The following GPM6A variants were observed in gnomAD, a reference collection of about 807,000 sequenced individuals.
The protein encoded by GPM6A is glycoprotein M6A, also known as neuronal membrane glycoprotein M6-a.
GPM6A carries 7 observed loss-of-function variants against 32.1 expected under a neutral mutation model. The ratio of observed to expected loss-of-function variants is 0.22; its 90% CI spans 0.12 to 0.41. The LOEUF (loss-of-function observed/expected upper bound fraction) is 0.41. Ranked by LOEUF, GPM6A falls within the 10% of genes least tolerant of loss-of-function variation. The pLI is 1.00. For missense variants in GPM6A, 235 were observed against 347.2 expected (o/e 0.68, Z 2.57); for synonymous variants, 130 against 123.4 (o/e 1.05, Z -0.35).
At chr4:175,791,542 A>G (rs1486522532) in intron 1 of GPM6A, among the ~76,000 whole-genome samples, 1 of 152,178 alleles carries the variant, frequency 6.6e-6, no homozygotes, top group East Asian at 1.9e-4. Context: ...AGTAAGAGCA[A>G]TTTATAAAAG....
At chr4:175,910,509 C>T (rs1484612387) in intron 1 of GPM6A, among the ~76,000 whole-genome samples, 2 of 152,138 alleles carry the variant, frequency 1.3e-5, no homozygotes, top group African/African-American at 4.8e-5. Context: ...AGGGGCCCAA[C>T]AAGCACTGTT....
intron 1 of GPM6A, among the ~76,000 whole-genome samples, chr4:175,938,737 C>CAAAAA (rs3034711): frequency 7.5e-6 from 1 of 134,146 alleles, no homozygotes. Context: ...AAAGTAAAAC[C>CAAAAA]AAAAAAAAAA....
chr4:175,998,926 T>G (rs1342860553), intron 1 of GPM6A, among the ~76,000 whole-genome samples: 1 of 152,214 alleles, frequency 6.6e-6, no homozygotes, highest in East Asian at 1.9e-4. Flanking sequence ...TTTTAAAAGC[T>G]CTCCAAAATC....
In GPM6A at chr4:175,826,932, G is replaced by A. The variant is rs529997168; in HGVS notation, c.-22-14683C>T. 5.3e-5 allele frequency among the ~76,000 whole-genome samples: 8 copies of A among 152,230 alleles called. No homozygotes were observed. The East Asian group carries it at 1.5e-3, about 29-fold the overall frequency. The stretch of plus-strand genomic sequence containing the variant: ...ACTAACTCATTACACGACTTCAGGC[G>A]AAGATGTTTTTTATCTACTTCCTCA... On this transcript the variant is annotated intron_variant, in intron 1 of 7. Coordinates refer to the GPM6A transcript ENST00000280187.
intron 1 of GPM6A, among the ~76,000 whole-genome samples, chr4:175,836,078 G>GCT (rs1308481242): frequency 6.6e-6 from 1 of 152,070 alleles, no homozygotes; most frequent in Non-Finnish European, 1.5e-5. Context: ...CCCAGGAACA[G>GCT]CTCCACATTA....
rs35501693 is a variant in GPM6A at position 175,730,688 on chromosome 4, G to A, written c.38-28921C>T. ...GGGGTTTCACCGTGTTAGCCAGGAT[G>A]GTCTCGATCTCCTGACCTCAAGTGA... On this transcript the variant is annotated intron_variant, in intron 1 of 6. Coordinates refer to ENST00000393658, the MANE Select transcript of GPM6A (RefSeq NM_201591.3). Among the ~76,000 whole-genome samples, 1,228 of 152,148 alleles carry A rather than the reference G, an allele frequency of 8.1e-3. 13 individuals carry two copies. The highest frequency in any genetic ancestry group is 0.028 in the African/African-American group (1,166 of 41,506).
rs151271922 is a variant in GPM6A at position 175,993,643 on chromosome 4, A to G, written c.-23+8666T>C. On this transcript the variant is annotated intron_variant, in intron 1 of 7. Coordinates refer to the GPM6A transcript ENST00000280187. ...TACTTTTTAAATTTTGTATTTTTGTATCTTTCTGAGTTAGCAAAGTAGGCA... is the reference window on the plus strand; with the variant it reads ...TACTTTTTAAATTTTGTATTTTTGTGTCTTTCTGAGTTAGCAAAGTAGGCA... Among the ~76,000 whole-genome samples, 999 of 152,316 alleles carry G rather than the reference A, an allele frequency of 6.6e-3. 9 individuals are homozygous for G. Among genetic ancestry groups the G allele is most frequent in the African/African-American group, 0.023 (942 of 41,568 alleles).
chr4:175,907,639 A>G (rs2111501510), intron 1 of GPM6A, among the ~76,000 whole-genome samples: 1 of 152,244 alleles, frequency 6.6e-6, no homozygotes, highest in East Asian at 1.9e-4. Context: ...CAGGTCATAA[A>G]ACCCTCCGGT....
upstream of GPM6A, chr4:175,812,320 T>A: frequency 7.2e-7 from 1 of 1,383,478 alleles, no homozygotes; most frequent in Non-Finnish European, 9.3e-7. Context: ...TTTTTTTTTT[T>A]TTTTTTTTTT....
At chr4:175,932,961 A>G (rs1171973821) in intron 1 of GPM6A, among the ~76,000 whole-genome samples, 1 of 152,138 alleles carries the variant, frequency 6.6e-6, no homozygotes, top group Non-Finnish European at 1.5e-5. Flanking sequence ...TTATGCTATC[A>G]ATTACAGTCA....
intron 1 of GPM6A, among the ~76,000 whole-genome samples, chr4:175,820,693 T>C (rs13128700): frequency 0.83 from 125,658 of 151,572 alleles, 53,584 homozygotes; most frequent in Middle Eastern, 0.95. Context: ...AGTGACAGGG[T>C]TTCACCATGT....
chr4:175,682,703 G>A (rs1435361303), intron 2 of GPM6A, among the ~76,000 whole-genome samples: 1 of 152,182 alleles, frequency 6.6e-6, no homozygotes, highest in African/African-American at 2.4e-5. Context: ...AGCTTGGGCT[G>A]CTGCTTCAGA....
At chr4:175,939,625 A>G (rs1044815322) in intron 1 of GPM6A, among the ~76,000 whole-genome samples, 2 of 152,254 alleles carry the variant, frequency 1.3e-5, no homozygotes, top group Admixed American at 6.5e-5. Context: ...TAACCATTAT[A>G]TGTGTCCATT....
intron 1 of GPM6A, among the ~76,000 whole-genome samples, chr4:175,807,827 G>T (rs1734755237): frequency 6.6e-6 from 1 of 152,092 alleles, no homozygotes; most frequent in South Asian, 2.1e-4. Context: ...CTAGTGTAGA[G>T]AGTGGGGTTG....
intron 1 of GPM6A, among the ~76,000 whole-genome samples, chr4:175,991,971 CA>C (rs754166461): frequency 6.6e-6 from 1 of 151,424 alleles, no homozygotes; most frequent in African/African-American, 2.4e-5. Flanking sequence ...AACAGCCACA[CA>C]AAACACTATC....
chr4:175,980,800 A>C (rs1740795908), intron 1 of GPM6A, among the ~76,000 whole-genome samples: 2 of 152,210 alleles, frequency 1.3e-5, no homozygotes, highest in South Asian at 4.1e-4. Flanking sequence ...GCTTCCTCTC[A>C]ATCAGTACAC....
intron 1 of GPM6A, among the ~76,000 whole-genome samples, chr4:175,747,488 T>C (rs913027958): frequency 2.0e-5 from 3 of 152,170 alleles, no homozygotes; most frequent in African/African-American, 7.2e-5. Context: ...ATTACAATAA[T>C]GTGAATATTG....
chr4:176,001,996 C>T (rs922340739), intron 1 of GPM6A, among the ~76,000 whole-genome samples: 3 of 152,164 alleles, frequency 2.0e-5, no homozygotes, highest in African/African-American at 7.2e-5. Flanking sequence ...GCACGGTAGA[C>T]CGGACCCCCA....
intron 1 of GPM6A, among the ~76,000 whole-genome samples, chr4:175,942,099 G>A (rs554483607): frequency 3.3e-5 from 5 of 152,286 alleles, no homozygotes; most frequent in African/African-American, 1.2e-4. Context: ...GTATCTCATT[G>A]TGGTTTTGAT....
Sources: allele counts gnomAD v4.1 joint callset (sites outside exome capture counted in the v4.1 genomes callset), GRCh38; gene constraint gnomAD v4.1.1; transcripts MANE v1.5; gene names NCBI Gene and HGNC (gene_info 2026-07-23, HGNC 2026-07-21).